The following NINL variants were observed in gnomAD, a reference collection of about 807,000 sequenced individuals.
NINL encodes ninein-like protein.
NINL carries 153 observed loss-of-function variants against 160.3 expected under a neutral mutation model. That is an observed-to-expected ratio of 0.95 (90% CI 0.84 to 1.09). The LOEUF (loss-of-function observed/expected upper bound fraction) is 1.09. Among genes scored for constraint, NINL ranks in the 50% least tolerant of loss-of-function variants. The pLI is 0.00. For missense variants in NINL, 1,829 were observed against 1,764.0 expected (o/e 1.04, Z -0.66); for synonymous variants, 800 against 734.8 (o/e 1.09, Z -1.43).
At chr20:25,462,324 G>A (rs1009795781) in intron 20 of NINL, 59 bp downstream of exon 20, 31 of 1,487,180 alleles carry the variant, frequency 2.1e-5, no homozygotes, top group East Asian at 7.0e-5. Context: ...ATTTGCAGCC[G>A]CCTCCCCACC....
At chr20:25,539,551 C>T (rs1327515183) in intron 1 of NINL, among the ~76,000 whole-genome samples, 1 of 152,202 alleles carries the variant, frequency 6.6e-6, no homozygotes, top group Non-Finnish European at 1.5e-5. Context: ...TGTAATACTG[C>T]CACCAAGGAC....
intron 1 of NINL, among the ~76,000 whole-genome samples, chr20:25,556,219 G>C (rs1488868227): frequency 6.6e-6 from 1 of 152,080 alleles, no homozygotes; most frequent in African/African-American, 2.4e-5. Flanking sequence ...AGCAGGTCAA[G>C]GCTACAGTAA....
intron 1 of NINL, among the ~76,000 whole-genome samples, chr20:25,578,399 C>T (rs1280827820): frequency 6.6e-6 from 1 of 152,064 alleles, no homozygotes; most frequent in Non-Finnish European, 1.5e-5. Flanking sequence ...TAAGCCACCT[C>T]GCCCGGCCCT....
At chr20:25,483,951 A>T (rs188207047) in intron 13 of NINL, among the ~76,000 whole-genome samples, 1 of 152,322 alleles carries the variant, frequency 6.6e-6, no homozygotes, top group African/African-American at 2.4e-5. Flanking sequence ...AGCAGAAGTG[A>T]TGCCACGGGA....
chr20:25,490,376 T>G (rs374515805), intron 11 of NINL, among the ~76,000 whole-genome samples: 2 of 151,976 alleles, frequency 1.3e-5, no homozygotes, highest in Non-Finnish European at 2.9e-5. Context: ...CTGGCTAACA[T>G]GGTGAAACCC....
chr20:25,463,064 A>C (rs1304615134), intron 19 of NINL, among the ~76,000 whole-genome samples: 1 of 152,196 alleles, frequency 6.6e-6, no homozygotes, highest in Non-Finnish European at 1.5e-5. Flanking sequence ...CAATGTCTCC[A>C]GGTATTTTTG....
intron 1 of NINL, chr20:25,540,036 G>C (rs2064635414): frequency 1.6e-6 from 2 of 1,288,734 alleles, no homozygotes; most frequent in Non-Finnish European, 2.0e-6. Flanking sequence ...GCAGTTCAGA[G>C]GCCTCTTCAG....
At chr20:25,540,906 T>A (rs971614136) in intron 1 of NINL, among the ~76,000 whole-genome samples, 1 of 151,662 alleles carries the variant, frequency 6.6e-6, no homozygotes, top group Non-Finnish European at 1.5e-5. Context: ...ACCCAAAATA[T>A]CTCAACAATC....
intron 14 of NINL, among the ~76,000 whole-genome samples, 163 bp from the exon 15 acceptor site, chr20:25,480,430 G>C (rs146727303): frequency 5.3e-4 from 81 of 152,318 alleles, no homozygotes; most frequent in African/African-American, 1.8e-3. Flanking sequence ...TCAGTACATA[G>C]CATTCCGTTA....
rs201323746 is a variant in NINL at position 25,479,067 on chromosome 20, G to C, written c.2057C>G (p.Ser686Cys). Reference sequence around the variant, plus strand: ...CTGCAGGCCCCAGATGACCTCCTGAGACTTCTCGTGGAGCTCCTCCAGGTC... The same window carrying C: ...CTGCAGGCCCCAGATGACCTCCTGACACTTCTCGTGGAGCTCCTCCAGGTC... Reference protein sequence around the residue: ...KADLEELHEKSQEVIWGLQEQ... With the variant: ...KADLEELHEKCQEVIWGLQEQ... The change falls in exon 16 of 24, where the codon TCT becomes TGT. Residue 686 changes from serine to cysteine, a missense_variant. Coordinates refer to ENST00000278886, the MANE Select transcript of NINL (RefSeq NM_025176.6). The C allele has an allele frequency of 6.2e-7, 1 of 1,612,834 alleles. No individual in the cohort carries two copies. The highest frequency in any genetic ancestry group is 1.1e-5 in the South Asian group (1 of 91,082).
chr20:25,458,795 C>G (rs1158368978), intron 21 of NINL: 1 of 479,110 alleles, frequency 2.1e-6, no homozygotes, highest in Non-Finnish European at 3.7e-6. Context: ...TCCTGTCAGA[C>G]CCAGACTCTG....
At chr20:25,500,246 C>A (rs1223460166) in intron 8 of NINL, among the ~76,000 whole-genome samples, 2 of 152,246 alleles carry the variant, frequency 1.3e-5, no homozygotes, top group African/African-American at 2.4e-5. Flanking sequence ...CCAGGGCTGG[C>A]CTGCATCCCT....
intron 9 of NINL, among the ~76,000 whole-genome samples, chr20:25,497,750 A>C (rs2063786669): frequency 6.6e-6 from 1 of 152,154 alleles, no homozygotes; most frequent in South Asian, 2.1e-4. Flanking sequence ...CCCTGGCGCG[A>C]GAGGCAGCGG....
At chr20:25,453,962 G>T (rs1315741605) in intron 23 of NINL, among the ~76,000 whole-genome samples, 5 of 152,100 alleles carry the variant, frequency 3.3e-5, no homozygotes, top group African/African-American at 1.2e-4. Flanking sequence ...TGAGGCAGGA[G>T]AATGGTGTGA....
intron 2 of NINL, 34 bp from the exon 3 acceptor site, chr20:25,517,883 A>C: frequency 1.2e-5 from 16 of 1,380,234 alleles, no homozygotes; most frequent in Non-Finnish European, 1.5e-5. Flanking sequence ...GGACAATGTC[A>C]CTTTCAACAG....
chr20:25,527,804 G>A (rs1483691444), intron 1 of NINL, among the ~76,000 whole-genome samples: 2 of 152,020 alleles, frequency 1.3e-5, no homozygotes, highest in African/African-American at 4.8e-5. Flanking sequence ...GGGGTACTTT[G>A]TCTTTATATC....
intron 1 of NINL, among the ~76,000 whole-genome samples, chr20:25,571,949 G>A (rs933594843): frequency 6.7e-6 from 1 of 150,176 alleles, no homozygotes; most frequent in Non-Finnish European, 1.5e-5. Flanking sequence ...ACACATCACG[G>A]TATATATTTT....
chr20:25,478,635 C>T (rs1253165640), intron 16 of NINL, among the ~76,000 whole-genome samples: 6 of 152,174 alleles, frequency 3.9e-5, no homozygotes, highest in African/African-American at 1.4e-4. Context: ...TGTCTCTGAG[C>T]GATGGAGGCA....
chr20:25,579,279 C>T (rs899293741), intron 1 of NINL, among the ~76,000 whole-genome samples: 1 of 152,130 alleles, frequency 6.6e-6, no homozygotes, highest in Admixed American at 6.5e-5. Flanking sequence ...CCCTCGCACT[C>T]TCTGTGTGTG....
Sources: gnomAD v4.1 joint callset for allele counts (sites outside exome capture counted in the v4.1 genomes callset) on GRCh38, gnomAD v4.1.1 for gene constraint, MANE v1.5 for transcripts, NCBI Gene and HGNC (gene_info 2026-07-23, HGNC 2026-07-21) for gene names.